Variants in PRKN observed in about 807,000 individuals in gnomAD.
PRKN encodes parkin RBR E3 ubiquitin protein ligase.
Under a neutral mutation model 59.5 loss-of-function variants are expected in PRKN, and 56 were observed. The ratio of observed to expected loss-of-function variants is 0.94; its 90% CI spans 0.76 to 1.18. The LOEUF (loss-of-function observed/expected upper bound fraction) is 1.18. Among genes scored for constraint, PRKN ranks in the 50% most tolerant of loss-of-function variants. The probability of loss-of-function intolerance (pLI) is 0.00; values close to 1 mark genes in which losing one functional copy is unlikely to be tolerated. For synonymous variants in PRKN, 250 were observed against 222.1 expected (o/e 1.13, Z -1.12); for missense variants, 657 against 596.4 (o/e 1.10, Z -1.06).
chr6:161,943,905 C>CTGAGGGATCAGCCT (rs1779667143), intron 6 of PRKN, among the ~76,000 whole-genome samples: 2 of 150,658 alleles, frequency 1.3e-5, no homozygotes, highest in Non-Finnish European at 3.0e-5. Context: ...AGGATGCAGC[C>CTGAGGGATCAGCCT]TGAGGGATCA....
intron 1 of PRKN, among the ~76,000 whole-genome samples, chr6:162,596,139 C>A (rs1232569843): frequency 6.6e-6 from 1 of 151,996 alleles, no homozygotes; most frequent in East Asian, 1.9e-4. Flanking sequence ...ATATTAAAAC[C>A]CCCTTTTAAA....
rs1048513405 is a variant in PRKN, at chr6:161,445,658, C to T, written c.1084-58781G>A. On this transcript the variant is annotated intron_variant, in intron 9 of 11. Coordinates refer to ENST00000366898, the MANE Select transcript of PRKN (RefSeq NM_004562.3). The surrounding 1 kb of genome is among the most constrained non-coding windows in gnomAD (Gnocchi z 7.7). ...GGGATCGGTGCAGCATGATAGAGGC[C>T]AGCTGCCCCGCACCAGGTCTGCGTG... is the stretch of plus-strand genomic sequence containing the variant. 1.3e-5 allele frequency among the ~76,000 whole-genome samples: 2 copies of T among 152,192 alleles called. No individual in the cohort carries two copies. The highest frequency in any genetic ancestry group is 4.8e-5 in the African/African-American group (2 of 41,446).
At chr6:161,666,095 T>G (rs371889259) in intron 7 of PRKN, among the ~76,000 whole-genome samples, 13 of 152,206 alleles carry the variant, frequency 8.5e-5, no homozygotes, top group African/African-American at 2.9e-4. Flanking sequence ...TCTATCCTGT[T>G]TCTTCATCAC....
intron 6 of PRKN, among the ~76,000 whole-genome samples, chr6:161,968,692 A>G (rs1348029677): frequency 6.6e-6 from 1 of 152,230 alleles, no homozygotes; most frequent in Non-Finnish European, 1.5e-5. Context: ...TAAAACAATT[A>G]TAAGAATAAA....
At chr6:161,650,351 T>C (rs1269889690) in intron 7 of PRKN, among the ~76,000 whole-genome samples, 1 of 152,234 alleles carries the variant, frequency 6.6e-6, no homozygotes, top group African/African-American at 2.4e-5. Context: ...CAGACATTTA[T>C]AATTTAAGGT....
At chr6:161,795,228 C>CTTTTTTTTTTTTTTTTTTTTTTTT in intron 6 of PRKN, among the ~76,000 whole-genome samples, 1 of 128,426 alleles carries the variant, frequency 7.8e-6, no homozygotes, top group Non-Finnish European at 1.6e-5. Context: ...GTTTTCTTTT[C>CTTTTTTTTTTTTTTTTTTTTTTTT]TTTTTTTTTT....
chr6:162,071,016 T>C (rs1250864957), intron 4 of PRKN, among the ~76,000 whole-genome samples: 1 of 152,102 alleles, frequency 6.6e-6, no homozygotes, highest in African/African-American at 2.4e-5. Flanking sequence ...GTGTCATTTC[T>C]AACATGTTCT....
intron 3 of PRKN, among the ~76,000 whole-genome samples, chr6:162,225,860 A>G (rs9365388): frequency 0.41 from 62,232 of 149,960 alleles, 14,797 homozygotes; most frequent in East Asian, 0.8. Flanking sequence ...CTGGCTACAG[A>G]AAATGACTGC....
intron 2 of PRKN, among the ~76,000 whole-genome samples, chr6:162,425,951 A>G (rs1020824662): frequency 2.0e-5 from 3 of 152,246 alleles, no homozygotes; most frequent in African/African-American, 7.2e-5. Context: ...AAGATTTGAA[A>G]TGATTTCTAA....
At chr6:161,849,722 C>A (rs1793347757) in intron 6 of PRKN, among the ~76,000 whole-genome samples, 1 of 152,102 alleles carries the variant, frequency 6.6e-6, no homozygotes, top group African/African-American at 2.4e-5. Context: ...GAATTCAATT[C>A]GAATTTTGGG....
At chr6:162,555,029 A>G (rs1285088905) in intron 1 of PRKN, among the ~76,000 whole-genome samples, 1 of 152,176 alleles carries the variant, frequency 6.6e-6, no homozygotes, top group East Asian at 1.9e-4. Flanking sequence ...TGCTTCTAAC[A>G]GACTTTTCAG....
intron 1 of PRKN, 74 bp downstream of exon 1, chr6:162,727,588 C>CCGAGG (rs1337146886): frequency 1.3e-6 from 2 of 1,489,190 alleles, no homozygotes; most frequent in Middle Eastern, 1.7e-4. Context: ...TCCTGGTCGG[C>CCGAGG]CGAGGCGGGG....
At chr6:162,638,441 C>A (rs1777828599) in intron 1 of PRKN, among the ~76,000 whole-genome samples, 1 of 152,134 alleles carries the variant, frequency 6.6e-6, no homozygotes, top group African/African-American at 2.4e-5. Flanking sequence ...GAGACAAGAA[C>A]ACAAAGGATT....
chr6:162,608,066 T>C (rs1781995716), intron 1 of PRKN, among the ~76,000 whole-genome samples: 1 of 152,208 alleles, frequency 6.6e-6, no homozygotes, highest in Non-Finnish European at 1.5e-5. Context: ...AGTTGGGTTC[T>C]TCCAAGTTTT....
chr6:161,743,386 T>TTTTTTTTATTTA (rs1554299551), intron 7 of PRKN, among the ~76,000 whole-genome samples: 18 of 140,246 alleles, frequency 1.3e-4, no homozygotes, highest in Non-Finnish European at 1.5e-4. Flanking sequence ...CATCCAGCTT[T>TTTTTTTTATTTA]TTTATTTATT....
rs189159685 is a variant in PRKN, at chr6:162,658,100, C to T, written c.7+69562G>A. ...CTGCATGGTACAACATCCCCAAATT[C>T]CACATAATTTAACCAGATGCACTTA... On this transcript the variant is annotated intron_variant, in intron 1 of 11. Coordinates refer to ENST00000366898, the MANE Select transcript of PRKN (RefSeq NM_004562.3). Among the ~76,000 whole-genome samples, 5 of 152,244 alleles carry T rather than the reference C, an allele frequency of 3.3e-5. No homozygotes were observed. In the East Asian group the frequency reaches 9.7e-4, roughly 29 times the overall value.
At chr6:161,657,216 C>T (rs1248220837) in intron 7 of PRKN, among the ~76,000 whole-genome samples, 1 of 152,186 alleles carries the variant, frequency 6.6e-6, no homozygotes, top group Non-Finnish European at 1.5e-5. Flanking sequence ...CTTTGACCCC[C>T]ACATCTCAGC....
intron 2 of PRKN, among the ~76,000 whole-genome samples, chr6:162,319,530 A>T (rs1336442484): frequency 1.3e-5 from 2 of 152,034 alleles, no homozygotes; most frequent in African/African-American, 4.8e-5. Flanking sequence ...ACAAATTATT[A>T]ACTCACTTAA....
chr6:162,019,454 C>T (rs1893896), intron 5 of PRKN, among the ~76,000 whole-genome samples: 120,070 of 152,120 alleles, frequency 0.79, 48,134 homozygotes, highest in African/African-American at 0.94. Flanking sequence ...TGAAAGGCAC[C>T]GTTCAAAACA....
Sources: allele counts gnomAD v4.1 joint callset (sites outside exome capture counted in the v4.1 genomes callset), GRCh38; gene constraint gnomAD v4.1.1; non-coding constraint Gnocchi (gnomAD v3.1); transcripts MANE v1.5; gene names NCBI Gene and HGNC (gene_info 2026-07-23, HGNC 2026-07-21).